The following TDG variants were observed in gnomAD, a reference collection of about 807,000 sequenced individuals.
The protein encoded by TDG is G/T mismatch-specific thymine DNA glycosylase.
A neutral mutation model predicts 46.1 loss-of-function variants in TDG; 23 were observed. The ratio of observed to expected loss-of-function variants is 0.50; its 90% CI spans 0.36 to 0.71. The LOEUF is 0.71. Among genes scored for constraint, TDG ranks in the 30% least tolerant of loss-of-function variants. The pLI, the probability that TDG is intolerant of heterozygous loss-of-function variation, is 0.00. For missense variants in TDG, 304 were observed against 486.7 expected, an observed-to-expected ratio of 0.62 and a Z score of 3.53; for synonymous variants, 115 against 161.3, an observed-to-expected ratio of 0.71 and a Z score of 2.18.
rs925503115 is a variant in TDG, at chr12:103,980,699, TAAAG to T, written c.409-190_409-187del. The T allele has an allele frequency of 8.9e-5, 43 of 485,164 alleles. 1 individual carries two copies. Among genetic ancestry groups the T allele is most frequent in the Non-Finnish European group, 1.4e-4 (39 of 279,622 alleles). The allele number at this position is 485,164 out of a possible 1,614,324, so 30.1% of individuals were successfully genotyped here. A position where few individuals can be genotyped will look rare whatever the true frequency, so the allele number is the denominator to read the frequency against. ...TAAAATAACAGCAAAACTTTTAAAATAAAGAAAATCTCTTTCCCATATATGAAAT... is the reference window on the plus strand; with the variant it reads ...TAAAATAACAGCAAAACTTTTAAAATAAAATCTCTTTCCCATATATGAAAT... On this transcript the variant is annotated intron_variant, in intron 3 of 9. Coordinates refer to ENST00000392872, the MANE Select transcript of TDG (RefSeq NM_003211.6).
chr12:103,977,674 G>T (rs912618838), intron 2 of TDG, among the ~76,000 whole-genome samples: 2 of 152,226 alleles, frequency 1.3e-5, no homozygotes, highest in Non-Finnish European at 2.9e-5. Context: ...GAGCTGTTGA[G>T]AGAATGTAAG....
intron 7 of TDG, among the ~76,000 whole-genome samples, chr12:103,984,070 T>C (rs956450583): frequency 2.0e-5 from 3 of 152,262 alleles, no homozygotes; most frequent in African/African-American, 7.2e-5. Context: ...TGCCAGGTTT[T>C]TGTGGAAACC....
chr12:103,974,931 C>T (rs1279653003), intron 1 of TDG, among the ~76,000 whole-genome samples: 4 of 143,214 alleles, frequency 2.8e-5, no homozygotes, highest in Non-Finnish European at 4.5e-5. Flanking sequence ...GCCAAGATCG[C>T]GCCACCACAC....
At position 103,982,879 on chromosome 12, in the gene TDG, A is replaced by G. The variant is rs1469750956; in HGVS notation, c.559A>G (p.Ile187Val). 1 of 1,614,196 alleles carries G rather than the reference A, an allele frequency of 6.2e-7. No homozygotes were observed. The highest frequency in any genetic ancestry group is 1.1e-5 in the South Asian group (1 of 91,082). The change falls in exon 5 of 10, where the codon ATT (isoleucine) becomes GTT (valine). Residue 187 changes from isoleucine to valine, a missense_variant. Coordinates refer to ENST00000392872, the MANE Select transcript of TDG (RefSeq NM_003211.6). ...DDHTLPGKYG[I>V]GFTNMVERTT... ...TCACACTCTACCAGGGAAGTATGGT[A>G]TTGGATTTACCAACATGGTGGAAAG... is the stretch of plus-strand genomic sequence containing the variant.
rs1039595161 is a variant in TDG, at chr12:103,965,876, G to T, written c.-162G>T. ...AGGGGGTCCGTGGGGGACGGTAGAA[G>T]CCTGGAGGAGGAGCTTGAGTCCAGC... On this transcript the variant is annotated 5_prime_UTR_variant, in exon 1 of 10. Transcript: ENST00000392872. The T allele has an allele frequency of 2.2e-5, 25 of 1,158,726 alleles. No homozygotes were observed. Among genetic ancestry groups the T allele is most frequent in the African/African-American group, 6.0e-5 (4 of 66,440 alleles). The allele number at this position is 1,158,726 out of a possible 1,614,324, so 71.8% of individuals were successfully genotyped here. A position where few individuals can be genotyped will look rare whatever the true frequency, so the allele number is the denominator to read the frequency against.
chr12:103,968,709 A>G (rs779023264), intron 1 of TDG, among the ~76,000 whole-genome samples: 125 of 152,256 alleles, frequency 8.2e-4, no homozygotes, highest in Admixed American at 1.7e-3. Flanking sequence ...GAGGATTTGT[A>G]GCAAATGTAA....
At chr12:103,979,787 T>G (rs918151443) in intron 2 of TDG, 44 bp from the exon 3 acceptor site, 1 of 1,529,812 alleles carries the variant, frequency 6.5e-7, no homozygotes, top group African/African-American at 1.4e-5. Flanking sequence ...CTAAAGTTTC[T>G]AAGTTAAGAT....
chr12:103,967,359 C>T (rs1871088535), intron 1 of TDG, among the ~76,000 whole-genome samples: 1 of 152,052 alleles, frequency 6.6e-6, no homozygotes, highest in African/African-American at 2.4e-5. Context: ...TCTGAAATGA[C>T]TCAGACCCCA....
At chr12:103,977,647 A>G (rs1288780204) in intron 2 of TDG, among the ~76,000 whole-genome samples, 3 of 152,222 alleles carry the variant, frequency 2.0e-5, no homozygotes, top group African/African-American at 7.2e-5. Flanking sequence ...TTTATATTCT[A>G]TCATGAAGGC....
At chr12:103,973,883 C>CA (rs1439107202) in intron 1 of TDG, among the ~76,000 whole-genome samples, 2 of 152,150 alleles carry the variant, frequency 1.3e-5, no homozygotes, top group African/African-American at 4.8e-5. Context: ...AGTATTTTCT[C>CA]ATGTTAATGT....
At chr12:103,971,635 C>G (rs1010583026) in intron 1 of TDG, among the ~76,000 whole-genome samples, 2 of 151,920 alleles carry the variant, frequency 1.3e-5, no homozygotes, top group African/African-American at 4.8e-5. Context: ...CAAATGGAGG[C>G]TAGCAGAGAA....
At chr12:103,966,092 GC>G (rs1179633219) in intron 1 of TDG, 32 bp downstream of exon 1, 24 of 1,548,670 alleles carry the variant, frequency 1.5e-5, no homozygotes, top group Non-Finnish European at 2.1e-5. Flanking sequence ...CCCCTCCCTT[GC>G]GCCCCTCACT....
chr12:103,987,486 TACCACTGTCAAAG>T lies in TDG; in HGVS notation c.*398_*410del, dbSNP rs1232585862. On this transcript the variant is annotated 3_prime_UTR_variant, in exon 10 of 10. Coordinates refer to ENST00000392872, the MANE Select transcript of TDG (RefSeq NM_003211.6). The stretch of plus-strand genomic sequence containing the variant: ...TACCTAAGAAGGGCATGCTAATAAT[TACCACTGTCAAAG>T]AGGCAAAGGTGTTGATTTTTGTATA... 1.9e-5 allele frequency: 3 copies of T among 160,328 alleles called. No individual in the cohort carries two copies. The highest frequency in any genetic ancestry group is 7.2e-5 in the African/African-American group (3 of 41,758). The allele number at this position is 160,328 out of a possible 1,614,324, so 9.9% of individuals were successfully genotyped here.
At chr12:103,980,364 C>A (rs1871764216) in intron 3 of TDG, 2 of 339,506 alleles carry the variant, frequency 5.9e-6, no homozygotes, top group South Asian at 8.6e-5. Context: ...ATAATACCAC[C>A]CCCCGATAGG....
At chr12:103,972,181 C>T (rs1430727808) in intron 1 of TDG, among the ~76,000 whole-genome samples, 2 of 151,970 alleles carry the variant, frequency 1.3e-5, no homozygotes, top group Non-Finnish European at 2.9e-5. Flanking sequence ...TACAGTGGTA[C>T]GATCTTGGCT....
In TDG at chr12:103,970,616, G is replaced by A. The variant is rs1313389868; in HGVS notation, c.23+4556G>A. Reference sequence around the variant, plus strand: ...AGCAAATCTAGCTAGGCATGGTGGTGTGTGCCTGTAGTCCTAGCTACTCAG... The same window carrying A: ...AGCAAATCTAGCTAGGCATGGTGGTATGTGCCTGTAGTCCTAGCTACTCAG... On this transcript the variant is annotated intron_variant, in intron 1 of 9. Coordinates refer to ENST00000392872, the MANE Select transcript of TDG (RefSeq NM_003211.6). 3.9e-5 allele frequency among the ~76,000 whole-genome samples: 6 copies of A among 152,150 alleles called. No individual in the cohort carries two copies. In the South Asian group the frequency reaches 6.2e-4, roughly 16 times the overall value.
At chr12:103,981,226 CTTTTTTTTTT>C (rs11314473) in intron 4 of TDG, among the ~76,000 whole-genome samples, 1 of 69,412 alleles carries the variant, frequency 1.4e-5, no homozygotes, top group African/African-American at 5.8e-5. Flanking sequence ...AGTTGTACTA[CTTTTTTTTTT>C]TTTTTTTTTT....
intron 9 of TDG, 25 bp from the exon 10 acceptor site, chr12:103,986,919 AAACT>A: frequency 6.2e-7 from 1 of 1,610,752 alleles, no homozygotes; most frequent in East Asian, 2.2e-5. Flanking sequence ...TAAATGGCAT[AAACT>A]AACTTTGTTT....
At chr12:103,981,058 A>G in intron 4 of TDG, 96 bp downstream of exon 4, 2 of 1,084,724 alleles carry the variant, frequency 1.8e-6, no homozygotes, top group East Asian at 2.5e-5. Flanking sequence ...AAAAAGAAAG[A>G]GACTGTAAAT....
Sources: gnomAD v4.1 joint callset for allele counts (sites outside exome capture counted in the v4.1 genomes callset) on GRCh38, gnomAD v4.1.1 for gene constraint, MANE v1.5 for transcripts, NCBI Gene and HGNC (gene_info 2026-07-23, HGNC 2026-07-21) for gene names.